SYNE2: variants seen among roughly 807,000 people sequenced by gnomAD.
SYNE2 encodes spectrin repeat containing nuclear envelope protein 2, also known as nesprin-2.
A neutral mutation model predicts 856.3 loss-of-function variants in SYNE2; 431 were observed. That is an observed-to-expected ratio of 0.50 (90% CI 0.47 to 0.55). SYNE2 has a LOEUF of 0.55. Ranked by LOEUF, SYNE2 falls within the 20% of genes least tolerant of loss-of-function variation. SYNE2 has a pLI of 0.00. For synonymous variants in SYNE2, 2,923 were observed against 2,872.3 expected (o/e 1.02, Z -0.56); for missense variants, 8,129 against 8,023.2 (o/e 1.01, Z -0.50).
At chr14:63,978,261 TC>T (rs1255903942) in intron 13 of SYNE2, among the ~76,000 whole-genome samples, 9 of 152,314 alleles carry the variant, frequency 5.9e-5, no homozygotes, top group African/African-American at 2.2e-4. Flanking sequence ...GAGCTCTGTA[TC>T]TTGGTTTTGG....
chr14:64,120,657 G>C (rs973708213), intron 67 of SYNE2, among the ~76,000 whole-genome samples: 32 of 152,302 alleles, frequency 2.1e-4, no homozygotes, highest in African/African-American at 6.0e-4. Flanking sequence ...CAGCTACTTG[G>C]GGGGCTGAGG....
At chr14:63,941,522 G>T (rs934627725) in intron 3 of SYNE2, among the ~76,000 whole-genome samples, 173 bp from the exon 4 acceptor site, 4 of 152,108 alleles carry the variant, frequency 2.6e-5, no homozygotes, top group African/African-American at 9.7e-5. Flanking sequence ...AATTAAATTC[G>T]CTACTTTTCT....
intron 96 of SYNE2, among the ~76,000 whole-genome samples, chr14:64,180,108 T>C (rs2098451200): frequency 6.6e-6 from 1 of 152,276 alleles, no homozygotes; most frequent in African/African-American, 2.4e-5. Context: ...GCCAGTTGTC[T>C]TGGTGCCTAT....
chr14:63,783,532 G>A (rs1460058423), intron 1 of SYNE2, among the ~76,000 whole-genome samples: 4 of 152,074 alleles, frequency 2.6e-5, no homozygotes, highest in South Asian at 2.1e-4. Flanking sequence ...CGCACGCCAC[G>A]ACGGTCTCGG....
At chr14:63,948,722 G>GTGTATATA (rs1555393492) in intron 6 of SYNE2, among the ~76,000 whole-genome samples, 3 of 101,518 alleles carry the variant, frequency 3.0e-5, no homozygotes, top group East Asian at 5.5e-4. Context: ...ATATATGTGT[G>GTGTATATA]TATATATATG....
At chr14:63,860,997 C>T (rs1893442066) in intron 1 of SYNE2, among the ~76,000 whole-genome samples, 1 of 152,128 alleles carries the variant, frequency 6.6e-6, no homozygotes, top group Non-Finnish European at 1.5e-5. Flanking sequence ...TGGGGCCCAG[C>T]AATCTGTGTT....
At chr14:64,132,125 G>C (rs999992670) in intron 76 of SYNE2, 140 bp from the exon 77 acceptor site, 14 of 930,570 alleles carry the variant, frequency 1.5e-5, no homozygotes, top group Non-Finnish European at 2.1e-5. Flanking sequence ...TCTTGGCCAG[G>C]CTGGTCAATT....
At position 64,051,811 on chromosome 14, in the gene SYNE2, A is replaced by G. The variant is rs190582637; in HGVS notation, c.7898A>G (p.Asn2633Ser). ...VEYDEFTTLMNKVQDTEISLQ... is the reference protein window; with the variant it reads ...VEYDEFTTLMSKVQDTEISLQ... ...TATGATGAATTTACAACCCTCATGA[A>G]TAAGGTACAGGACACTGAGATTTCT... Residue 2633 changes from asparagine (N) to serine (S), a missense_variant, in exon 48 of 116, where the codon AAT becomes AGT. By Grantham distance (46) the Asn-to-Ser change is conservative. Transcript: ENST00000555002. The G allele has an allele frequency of 2.5e-3, 4,038 of 1,614,160 alleles. 47 individuals carry two copies. Among genetic ancestry groups the G allele is most frequent in the South Asian group, 0.016 (1,478 of 91,086 alleles).
At chr14:64,225,248 G>A (rs2098713873) in intron 115 of SYNE2, 71 bp from the exon 116 acceptor site, 1 of 1,604,776 alleles carries the variant, frequency 6.2e-7, no homozygotes, top group Admixed American at 1.7e-5. Flanking sequence ...TACATAAGCA[G>A]GGGCTTAGGT....
chr14:63,950,059 A>C lies in SYNE2; in HGVS notation c.590+53A>C, dbSNP rs180816314. 2.3e-3 allele frequency: 3,558 copies of C among 1,570,858 alleles called. 9 individuals carry two copies. The highest frequency in any genetic ancestry group is 2.5e-3 in the Non-Finnish European group (2,819 of 1,142,444). On this transcript the variant is annotated intron_variant, in intron 7 of 115. Transcript: ENST00000555002. ...ACACACAGGGCAGCTGTATCAACCA[A>C]CACCACCTCACCACCCAAACACCTC...
intron 1 of SYNE2, among the ~76,000 whole-genome samples, chr14:63,876,494 C>T (rs1595371886): frequency 1.4e-5 from 2 of 147,150 alleles, no homozygotes; most frequent in East Asian, 4.0e-4. Context: ...AAATATGTTC[C>T]TTTTTTTTTT....
At chr14:63,764,556 CTTT>C (rs34093002) in intron 1 of SYNE2, among the ~76,000 whole-genome samples, 2 of 121,146 alleles carry the variant, frequency 1.7e-5, no homozygotes, top group African/African-American at 3.1e-5. Flanking sequence ...TCTTTTGACT[CTTT>C]TTTTTTTTTT....
intron 32 of SYNE2, among the ~76,000 whole-genome samples, chr14:64,014,713 A>G (rs1169929341): frequency 2.6e-5 from 4 of 151,948 alleles, no homozygotes. Context: ...GTGAGCCACC[A>G]TGCCAGGCCT....
At chr14:63,995,835 T>C (rs549800784) in intron 23 of SYNE2, among the ~76,000 whole-genome samples, 2 of 152,284 alleles carry the variant, frequency 1.3e-5, no homozygotes, top group South Asian at 4.1e-4. Flanking sequence ...CAGTGAGTAC[T>C]TTTTAGTGTC....
At position 64,016,483 on chromosome 14, in the gene SYNE2, T is replaced by C; in HGVS notation, c.4739T>C (p.Val1580Ala). ...LKKRIAEIEI[V>A]KEEFNEHLEV... is the part of the protein sequence containing the mutation. ...ATATCTTTTTTACAGATTGAAATTG[T>C]CAAAGAAGAATTTAATGAGCATTTA... Residue 1580 changes from valine (V) to alanine (A), a missense_variant, in exon 33 of 116, where the codon GTC becomes GCC. Coordinates refer to ENST00000555002, the MANE Select transcript of SYNE2 (RefSeq NM_182914.3). 3 of 1,586,776 alleles carry C rather than the reference T, an allele frequency of 1.9e-6. No homozygotes were observed. The highest frequency in any genetic ancestry group is 1.7e-6 in the Non-Finnish European group (2 of 1,163,932).
chr14:64,221,026 C>T (rs578170687), intron 111 of SYNE2, among the ~76,000 whole-genome samples: 2 of 152,230 alleles, frequency 1.3e-5, no homozygotes, highest in South Asian at 4.2e-4. Context: ...CCTCCTAGAC[C>T]TCAGTGTTCT....
rs764802814 is a variant in SYNE2, at chr14:64,190,180, A to G, written c.17981A>G (p.Asp5994Gly). 4 of 1,614,172 alleles carry G rather than the reference A, an allele frequency of 2.5e-6. No individual in the cohort carries two copies. The highest frequency in any genetic ancestry group is 2.2e-5 in the South Asian group (2 of 91,078). ...SNKSRAAEID[D>G]KLNKINDRWQ... ...AAATCAAGAGCAGCTGAGATCGATG[A>G]CAAGCTCAACAAAATTAACGATCGT... Residue 5994 changes from aspartate (D) to glycine (G), a missense_variant, in exon 99 of 116, where the codon GAC becomes GGC. Physicochemically the swap from Asp to Gly is moderately conservative, Grantham distance 94 (BLOSUM62 -1). Transcript: ENST00000555002.
chr14:64,137,479 G>T (rs10142480), intron 78 of SYNE2, among the ~76,000 whole-genome samples: 25,793 of 152,190 alleles, frequency 0.17, 2,830 homozygotes, highest in African/African-American at 0.31. Flanking sequence ...TCGAACTGCA[G>T]ACCTCAGGTG....
chr14:64,169,292 C>G (rs1260624568), intron 93 of SYNE2, among the ~76,000 whole-genome samples: 2 of 152,220 alleles, frequency 1.3e-5, no homozygotes, highest in African/African-American at 4.8e-5. Flanking sequence ...GTTTCCTTCT[C>G]TACCATCATC....
Sources: allele counts gnomAD v4.1 joint callset (sites outside exome capture counted in the v4.1 genomes callset), GRCh38; gene constraint gnomAD v4.1.1; transcripts MANE v1.5; gene names NCBI Gene and HGNC (gene_info 2026-07-23, HGNC 2026-07-21).